Variants in YARS2 observed in about 807,000 individuals in gnomAD.
The protein encoded by YARS2 is tyrosyl-tRNA synthetase 2.
Under a neutral mutation model 45.0 loss-of-function variants are expected in YARS2, and 38 were observed. The ratio of observed to expected loss-of-function variants is 0.84; its 90% CI spans 0.65 to 1.11. The LOEUF (loss-of-function observed/expected upper bound fraction) is 1.11. Among genes scored for constraint, YARS2 ranks in the 50% least tolerant of loss-of-function variants. YARS2 has a pLI of 0.00. For synonymous variants in YARS2, 287 were observed against 245.1 expected (o/e 1.17, Z -1.60); for missense variants, 602 against 599.8 (o/e 1.00, Z -0.04).
chr12:32,749,448 T>C (rs1391605310), intron 4 of YARS2, among the ~76,000 whole-genome samples: 3 of 152,208 alleles, frequency 2.0e-5, no homozygotes, highest in African/African-American at 7.2e-5. Context: ...ATAGAAAATA[T>C]AAAGTATTTT....
rs759320963 is a variant in YARS2 at position 32,755,144 on chromosome 12, C to A, written c.731G>T (p.Gly244Val). The A allele has an allele frequency of 6.2e-7, 1 of 1,614,172 alleles. No homozygotes were observed. Among genetic ancestry groups the A allele is most frequent in the Non-Finnish European group, 8.5e-7 (1 of 1,180,042 alleles). ...QRYGCRVQLGGSDQLGNIMSG... is the reference protein window; with the variant it reads ...QRYGCRVQLGVSDQLGNIMSG... ...CATGATGTTGCCTAGTTGATCAGAT[C>A]CGCCCAGCTGGACCCTGCATCCATA... Residue 244 changes from glycine to valine, a missense_variant, in exon 1 of 5, where the codon GGA (glycine) becomes GTA (valine). By Grantham distance (109) the Gly-to-Val change is moderately radical. Transcript: ENST00000324868.
At position 32,754,032 on chromosome 12, in the gene YARS2, GTTGTAC is replaced by G. The variant is rs1334493119; in HGVS notation, c.827_832del (p.Ser276_Thr277del). On this transcript the variant is annotated inframe_deletion, in exon 2 of 5. Transcript: ENST00000324868. ...AGCAGACTTTCCCAGCTTTGCTCCA[GTTGTAC>G]TTGTAATTAGAGGAACGGTGATTCC... The G allele has an allele frequency of 3.7e-6, 6 of 1,614,042 alleles. No homozygotes were observed. Among genetic ancestry groups the G allele is most frequent in the African/African-American group, 2.7e-5 (2 of 74,912 alleles).
chr12:32,751,320 A>C (rs1389307830), intron 2 of YARS2, among the ~76,000 whole-genome samples: 1 of 152,060 alleles, frequency 6.6e-6, no homozygotes, highest in Admixed American at 6.6e-5. Flanking sequence ...CTCTTGTCTC[A>C]GCCTCCCAAA....
In YARS2 at chr12:32,753,756, T is replaced by C. The variant is rs79102975; in HGVS notation, c.947+162A>G. Among the ~76,000 whole-genome samples, 1,665 of 152,328 alleles carry C rather than the reference T, an allele frequency of 0.011. 26 individuals carry two copies. Among genetic ancestry groups the C allele is most frequent in the East Asian group, 0.035 (183 of 5,182 alleles). ...CTTTAACCAACAAAGTGTTTAACTT[T>C]AGAACACAGTAAAAATTAGTCTTCT... On this transcript the variant is annotated intron_variant, in intron 2 of 4. Coordinates refer to ENST00000324868, the MANE Select transcript of YARS2 (RefSeq NM_001040436.3).
chr12:32,751,807 A>T (rs984983777), intron 2 of YARS2, among the ~76,000 whole-genome samples: 4 of 152,186 alleles, frequency 2.6e-5, no homozygotes, highest in African/African-American at 4.8e-5. Flanking sequence ...ATCTGACAGG[A>T]GATGGAGCCC....
At chr12:32,749,217 C>T (rs951531889) in intron 4 of YARS2, among the ~76,000 whole-genome samples, 6 of 152,150 alleles carry the variant, frequency 3.9e-5, no homozygotes, top group African/African-American at 1.2e-4. Flanking sequence ...CTTTCCCATC[C>T]CCGAATATAA....
At chr12:32,750,580 G>A in intron 3 of YARS2, 139 bp downstream of exon 3, 4 of 1,058,330 alleles carry the variant, frequency 3.8e-6, no homozygotes, top group South Asian at 1.4e-5. Context: ...CAATAAACAG[G>A]GGCTATTTTA....
At chr12:32,750,676 C>T (rs373842576) in intron 3 of YARS2, 43 bp downstream of exon 3, 24 of 1,609,434 alleles carry the variant, frequency 1.5e-5, no homozygotes, top group Non-Finnish European at 1.9e-5. Flanking sequence ...TGTCTATCCA[C>T]TGAATAACTA....
At chr12:32,752,571 A>G (rs1052327475) in intron 2 of YARS2, among the ~76,000 whole-genome samples, 9 of 151,976 alleles carry the variant, frequency 5.9e-5, no homozygotes, top group African/African-American at 1.9e-4. Context: ...CCTGGCCAAC[A>G]TGGCGAAACC....
Position 32,755,184 on chromosome 12 carries a change from A to T in YARS2, c.691T>A (p.Tyr231Asn). The change falls in exon 1 of 5, where the codon TAC becomes AAC. Residue 231 changes from tyrosine to asparagine, a missense_variant. Physicochemically the swap from Tyr to Asn is moderately radical, Grantham distance 143. Coordinates refer to ENST00000324868, the MANE Select transcript of YARS2 (RefSeq NM_001040436.3). ...CTGCATCCATAACGCTGGAAGAGGT[A>T]ATAGAAGTCATAGGCCTGGAGCACC... ...YQVLQAYDFY[Y>N]LFQRYGCRVQ... The T allele has an allele frequency of 1.9e-6, 3 of 1,614,202 alleles. No homozygotes were observed. The highest frequency in any genetic ancestry group is 2.5e-6 in the Non-Finnish European group (3 of 1,180,032).
chr12:32,755,277 T>A lies in YARS2; in HGVS notation c.598A>T (p.Ser200Cys). Residue 200 changes from serine to cysteine, a missense_variant, in exon 1 of 5, where the codon AGC becomes TGC. Transcript: ENST00000324868. The part of the protein sequence containing the change: ...GGHFRMGTLL[S>C]RQSVQLRLKS... ...AGCCGCAGCTGCACGCTCTGCCGGCTCAGCAGCGTCCCCATGCGGAAGTGA... is the reference window on the plus strand; with the variant it reads ...AGCCGCAGCTGCACGCTCTGCCGGCACAGCAGCGTCCCCATGCGGAAGTGA... 6.2e-7 allele frequency: 1 copy of A among 1,614,116 alleles called. No individual in the cohort carries two copies. The highest frequency in any genetic ancestry group is 8.5e-7 in the Non-Finnish European group (1 of 1,180,034).
Position 32,747,228 on chromosome 12 carries a change from G to A in YARS2, c.1410C>T (p.Tyr470=), listed in dbSNP as rs1298721344. ...SLLKIGKRNF[Y]IIKWLQL ...ATCACAACTGAAGCCATTTTATAAT[G>A]TAGAAATTTCTTTTTCCTATTTTAA... Residue 470 remains tyrosine, a synonymous_variant, in exon 5 of 5, where the codon TAC becomes TAT. Coordinates refer to ENST00000324868, the MANE Select transcript of YARS2 (RefSeq NM_001040436.3). 6.8e-6 allele frequency: 11 copies of A among 1,613,182 alleles called. No homozygotes were observed. Among genetic ancestry groups the A allele is most frequent in the Non-Finnish European group, 9.3e-6 (11 of 1,179,856 alleles).
chr12:32,750,415 C>A (rs970124000), intron 3 of YARS2, among the ~76,000 whole-genome samples: 2 of 151,920 alleles, frequency 1.3e-5, no homozygotes, highest in South Asian at 4.2e-4. Flanking sequence ...GTTGGTCAGG[C>A]TGGTCTCGAA....
intron 2 of YARS2, among the ~76,000 whole-genome samples, chr12:32,752,537 T>C (rs1955764724): frequency 6.6e-6 from 1 of 151,898 alleles, no homozygotes; most frequent in Non-Finnish European, 1.5e-5. Flanking sequence ...GGTGGATCAC[T>C]TGAGGTCAGG....
chr12:32,749,061 T>TG (rs746051415), intron 4 of YARS2, among the ~76,000 whole-genome samples: 3 of 152,236 alleles, frequency 2.0e-5, no homozygotes, highest in Non-Finnish European at 2.9e-5. Context: ...GAATAGAAAA[T>TG]GCAATTCTCA....
intron 4 of YARS2, among the ~76,000 whole-genome samples, chr12:32,749,179 A>G (rs748810935): frequency 3.3e-5 from 5 of 152,190 alleles, no homozygotes; most frequent in African/African-American, 7.2e-5. Context: ...TCAGAAATTC[A>G]GTTAATACTA....
At chr12:32,751,234 T>G (rs1955738944) in intron 2 of YARS2, among the ~76,000 whole-genome samples, 1 of 151,774 alleles carries the variant, frequency 6.6e-6, no homozygotes, top group Non-Finnish European at 1.5e-5. Flanking sequence ...GCCTGGCTAA[T>G]TTTTATATTT....
At position 32,755,841 on chromosome 12, in the gene YARS2, C is replaced by T. The variant is rs543800729; in HGVS notation, c.34G>A (p.Gly12Ser). The change falls in exon 1 of 5, where the codon GGC (glycine) becomes AGC (serine). Residue 12 changes from glycine to serine, a missense_variant. By Grantham distance (56) the Gly-to-Ser change is moderately conservative (BLOSUM62 0). Coordinates refer to ENST00000324868, the MANE Select transcript of YARS2 (RefSeq NM_001040436.3). The part of the protein sequence containing the change: ...AAPILRSFSW[G>S]RWSGTLNLSV... ...AGATTTAGGGTACCAGACCACCGGC[C>T]CCAGGAAAAGGACCGCAAGATGGGC... is the stretch of plus-strand genomic sequence containing the variant. 1 of 1,613,322 alleles carries T rather than the reference C, an allele frequency of 6.2e-7. No homozygotes were observed. Among genetic ancestry groups the T allele is most frequent in the African/African-American group, 1.3e-5 (1 of 75,054 alleles).
At chr12:32,750,210 G>GT (rs958565734) in intron 3 of YARS2, 103 bp from the exon 4 acceptor site, 1,064 of 1,415,034 alleles carry the variant, frequency 7.5e-4, no homozygotes, top group Non-Finnish European at 8.1e-4. Flanking sequence ...TAGACTAAAA[G>GT]TTTTTTTTTG....
Sources: gnomAD v4.1 joint callset for allele counts (sites outside exome capture counted in the v4.1 genomes callset) on GRCh38, gnomAD v4.1.1 for gene constraint, MANE v1.5 for transcripts, NCBI Gene and HGNC (gene_info 2026-07-23, HGNC 2026-07-21) for gene names.